Variants in CIT observed in about 807,000 individuals in gnomAD.
The protein encoded by CIT is citron Rho-interacting kinase.
CIT carries 79 observed loss-of-function variants against 272.7 expected under a neutral mutation model. The observed-to-expected ratio is 0.29, with a 90% CI of 0.24 to 0.35. CIT has a LOEUF of 0.35. CIT is among the 10% of genes least tolerant of loss of function. The probability of loss-of-function intolerance (pLI) is 1.00; values close to 1 mark genes in which losing one functional copy is unlikely to be tolerated. For missense variants in CIT, 1,909 were observed against 2,618.3 expected (o/e 0.73, Z 5.91); for synonymous variants, 948 against 995.6 (o/e 0.95, Z 0.90).
intron 5 of CIT, among the ~76,000 whole-genome samples, chr12:119,841,951 C>A (rs1175901772): frequency 6.6e-6 from 1 of 151,922 alleles, no homozygotes; most frequent in Non-Finnish European, 1.5e-5. Context: ...CTACATGCAA[C>A]CAGGGAAAAA....
intron 23 of CIT, among the ~76,000 whole-genome samples, chr12:119,746,059 T>A (rs1396833088): frequency 2.0e-5 from 3 of 152,138 alleles, no homozygotes; most frequent in African/African-American, 7.2e-5. Flanking sequence ...CTGCACTATG[T>A]CAAAATCTCA....
chr12:119,858,507 ACT>A (rs373017980), intron 3 of CIT, among the ~76,000 whole-genome samples: 2,657 of 142,276 alleles, frequency 0.019, 77 homozygotes, highest in African/African-American at 0.067. Flanking sequence ...ACAGAGTGAA[ACT>A]CTGTCTCCAA....
intron 4 of CIT, among the ~76,000 whole-genome samples, chr12:119,855,096 C>A (rs1023693952): frequency 1.3e-5 from 2 of 151,886 alleles, no homozygotes; most frequent in African/African-American, 4.8e-5. Context: ...TGCATTCCAG[C>A]ACAGATGACA....
chr12:119,719,575 C>T (rs149057530), intron 30 of CIT, among the ~76,000 whole-genome samples: 16 of 152,268 alleles, frequency 1.1e-4, no homozygotes, highest in Admixed American at 5.9e-4. Context: ...GTGCAGCCAA[C>T]GTCTAGTGGG....
intron 4 of CIT, among the ~76,000 whole-genome samples, chr12:119,852,576 G>A (rs1299624390): frequency 6.6e-6 from 1 of 151,884 alleles, no homozygotes; most frequent in East Asian, 1.9e-4. Flanking sequence ...AATTAGCTGG[G>A]CATGGTGGTG....
intron 3 of CIT, among the ~76,000 whole-genome samples, chr12:119,867,147 C>G (rs1220144675): frequency 6.6e-6 from 1 of 152,092 alleles, no homozygotes; most frequent in African/African-American, 2.4e-5. Context: ...AGAGGAATCC[C>G]CAGCTGAGTC....
chr12:119,828,357 C>G (rs185327984), intron 7 of CIT, among the ~76,000 whole-genome samples: 1 of 152,080 alleles, frequency 6.6e-6, no homozygotes, highest in Non-Finnish European at 1.5e-5. Flanking sequence ...CTGCTAAGTT[C>G]CCATTAGTCA....
At position 119,697,606 on chromosome 12, in the gene CIT, C is replaced by G. The variant is rs1313760030; in HGVS notation, c.5882+53G>C. 2.6e-6 allele frequency: 4 copies of G among 1,548,804 alleles called. No individual in the cohort carries two copies. Among genetic ancestry groups the G allele is most frequent in the Non-Finnish European group, 3.5e-6 (4 of 1,135,250 alleles). On this transcript the variant is annotated intron_variant, in intron 46 of 47. Transcript: ENST00000392521. This position sits in a 1 kb window ranked among gnomAD's most constrained non-coding sequence, Gnocchi z 4.9. ...CTGGTTTAGTATCACTTCCTTCTGC[C>G]TTGCAGAAAAGCACGTTGCCCCTGG...
chr12:119,714,916 G>A (rs56074206), intron 32 of CIT, among the ~76,000 whole-genome samples: 6,312 of 152,254 alleles, frequency 0.041, 223 homozygotes, highest in African/African-American at 0.091. Context: ...CAACTACAAA[G>A]TGAAAACAAC....
chr12:119,782,311 A>C, intron 13 of CIT: 2 of 458,590 alleles, frequency 4.4e-6, no homozygotes, highest in Non-Finnish European at 7.7e-6. Context: ...CAGCTTCAAA[A>C]GGAGCTGGAA....
At chr12:119,739,013 C>T (rs1412317536) in intron 24 of CIT, among the ~76,000 whole-genome samples, 1 of 152,120 alleles carries the variant, frequency 6.6e-6, no homozygotes, top group East Asian at 1.9e-4. Flanking sequence ...TCACACCTAA[C>T]TGGAAGACCA....
intron 9 of CIT, among the ~76,000 whole-genome samples, chr12:119,809,197 T>C (rs1455204177): frequency 6.6e-6 from 1 of 151,874 alleles, no homozygotes; most frequent in Admixed American, 6.6e-5. Flanking sequence ...GAAAGTGAAG[T>C]CTTGATGGAT....
chr12:119,725,241 C>T lies in CIT; in HGVS notation c.3591+3261G>A, dbSNP rs1593487800. On this transcript the variant is annotated intron_variant, in intron 28 of 47. Transcript: ENST00000392521. ...AGTTGGAGACAAGCTGGGCCAACAT[C>T]GTGAAACCTTGTCTCTACTAAAAAT... Among the ~76,000 whole-genome samples the T allele has an allele frequency of 2.0e-5, 3 of 151,708 alleles. No individual in the cohort carries two copies. The South Asian group carries it at 6.3e-4, about 32-fold the overall frequency.
At position 119,714,057 on chromosome 12, in the gene CIT, T is replaced by C. The variant is rs992006258; in HGVS notation, c.4306+140A>G. The C allele has an allele frequency of 6.1e-5, 58 of 943,520 alleles. No homozygotes were observed. The East Asian group carries it at 9.0e-4, about 15-fold the overall frequency. The allele number at this position is 943,520 out of a possible 1,614,324, so 58.4% of individuals were successfully genotyped here. ...ACTCACAGCTTCAACAGGGGAAAAA[T>C]AGCATCCTCCTACTGAAGTAAGAAG... On this transcript the variant is annotated intron_variant, in intron 33 of 47. Transcript: ENST00000392521.
rs764949551 is a variant in CIT, at chr12:119,757,389, C to T, written c.2688G>A (p.Leu896=). Residue 896 remains leucine (L), a synonymous_variant, in exon 22 of 48, where the codon CTG becomes CTA. Transcript: ENST00000392521. ...DHSDKNRLLE[L]ETRLREVSLE... is the part of the protein sequence containing the mutation. Reference sequence around the variant, plus strand: ...CTCTCACCTCCCGCAATCTTGTCTCCAGTTCCAGCAGCCGATTCTTGTCAC... The same window carrying T: ...CTCTCACCTCCCGCAATCTTGTCTCTAGTTCCAGCAGCCGATTCTTGTCAC... 3.1e-6 allele frequency: 5 copies of T among 1,614,080 alleles called. No individual in the cohort carries two copies. The Admixed American group carries it at 6.7e-5, about 22-fold the overall frequency.
At chr12:119,808,014 A>C (rs1966705187) in intron 9 of CIT, among the ~76,000 whole-genome samples, 1 of 152,106 alleles carries the variant, frequency 6.6e-6, no homozygotes. Context: ...TAACTTCTTG[A>C]GGTTGTTTTT....
chr12:119,850,077 T>G, intron 5 of CIT, 97 bp downstream of exon 5: 1 of 828,368 alleles, frequency 1.2e-6, no homozygotes, highest in South Asian at 1.4e-5. Flanking sequence ...TTTGCATGAA[T>G]GAGACCACAT....
intron 10 of CIT, among the ~76,000 whole-genome samples, chr12:119,797,891 A>G (rs970939751): frequency 6.6e-6 from 1 of 152,248 alleles, no homozygotes; most frequent in Non-Finnish European, 1.5e-5. Flanking sequence ...TAGTAGAGTC[A>G]TCAACAAAAT....
chr12:119,766,753 C>T lies in CIT; in HGVS notation c.2304+334G>A, dbSNP rs755348122. 9.9e-5 allele frequency among the ~76,000 whole-genome samples: 15 copies of T among 151,670 alleles called. 1 individual carries two copies. Among genetic ancestry groups the T allele is most frequent in the South Asian group, 2.1e-4 (1 of 4,810 alleles). On this transcript the variant is annotated intron_variant, in intron 19 of 47. Transcript: ENST00000392521. ...ATCTCATGTACCCCATAAATATATA[C>T]ACCTACTATGTACCCACAAAAATTA... is the stretch of plus-strand genomic sequence containing the variant.
Sources: gnomAD v4.1 joint callset for allele counts (sites outside exome capture counted in the v4.1 genomes callset) on GRCh38, gnomAD v4.1.1 for gene constraint, Gnocchi (gnomAD v3.1) non-coding constraint, MANE v1.5 for transcripts, NCBI Gene and HGNC (gene_info 2026-07-23, HGNC 2026-07-21) for gene names.